The following NAV3 variants were observed in gnomAD, a reference collection of about 807,000 sequenced individuals.
The protein encoded by NAV3 is neuron navigator 3, also known as pore membrane and/or filament interacting like protein 1.
Under a neutral mutation model 244.7 loss-of-function variants are expected in NAV3, and 87 were observed. The ratio of observed to expected loss-of-function variants is 0.36; its 90% CI spans 0.30 to 0.42. The LOEUF is 0.42. Ranked by LOEUF, NAV3 falls within the 20% of genes least tolerant of loss-of-function variation. The pLI is 1.00. For missense variants in NAV3, 2,663 were observed against 2,893.3 expected (o/e 0.92, Z 1.83); for synonymous variants, 1,126 against 1,042.2 (o/e 1.08, Z -1.55).
intron 2 of NAV3, among the ~76,000 whole-genome samples, chr12:77,603,732 T>A (rs763448892): frequency 3.9e-5 from 6 of 152,066 alleles, no homozygotes; most frequent in Non-Finnish European, 7.4e-5. Flanking sequence ...TGTGGGTGGA[T>A]CGATAATGAA....
chr12:77,607,082 G>C (rs180791586), intron 2 of NAV3, among the ~76,000 whole-genome samples: 37 of 152,142 alleles, frequency 2.4e-4, no homozygotes, highest in African/African-American at 8.2e-4. Flanking sequence ...TGTATGTATA[G>C]AAATGAGACT....
intron 2 of NAV3, among the ~76,000 whole-genome samples, chr12:77,813,309 A>G (rs936283857): frequency 1.3e-5 from 2 of 152,178 alleles, no homozygotes; most frequent in African/African-American, 4.8e-5. Context: ...CCATTCTGCA[A>G]TTGATTACTG....
At position 78,103,697 on chromosome 12, in the gene NAV3, A is replaced by C. The variant is rs73143971; in HGVS notation, c.2637-13075A>C. 2.6e-5 allele frequency among the ~76,000 whole-genome samples: 4 copies of C among 152,358 alleles called. No homozygotes were observed. In the South Asian group the frequency reaches 6.2e-4, roughly 24 times the overall value. ...GCAGGAGGCAAAAGGCATTTCTTACATGATGGCAGCAAGAGAAAATGAGGA... is the reference window on the plus strand; with the variant it reads ...GCAGGAGGCAAAAGGCATTTCTTACCTGATGGCAGCAAGAGAAAATGAGGA... On this transcript the variant is annotated intron_variant, in intron 12 of 39. Transcript: ENST00000397909.
At chr12:77,998,263 G>A in intron 6 of NAV3, 74 bp from the exon 7 acceptor site, 1 of 1,144,544 alleles carries the variant, frequency 8.7e-7, no homozygotes. Context: ...GTAAATTTCT[G>A]ACTTTCAGCA....
At chr12:77,805,789 C>T (rs1379918470) in intron 2 of NAV3, among the ~76,000 whole-genome samples, 1 of 152,170 alleles carries the variant, frequency 6.6e-6, no homozygotes, top group Non-Finnish European at 1.5e-5. Context: ...GTGAATCCTT[C>T]TGGTCCTGGG....
intron 1 of NAV3, among the ~76,000 whole-genome samples, chr12:77,939,087 C>T (rs1348155400): frequency 6.6e-6 from 1 of 151,714 alleles, no homozygotes; most frequent in African/African-American, 2.4e-5. Context: ...TTCTATACTT[C>T]TGGTTTATTA....
At position 77,743,845 on chromosome 12, in the gene NAV3, G is replaced by A. The variant is rs1208443904; in HGVS notation, c.72+171579G>A. 5.9e-5 allele frequency among the ~76,000 whole-genome samples: 9 copies of A among 151,806 alleles called. No homozygotes were observed. In the East Asian group the frequency reaches 1.4e-3, roughly 23 times the overall value. On this transcript the variant is annotated intron_variant, in intron 2 of 8. Transcript: ENST00000550042. Reference sequence around the variant, plus strand: ...TAATCATTTGCTGTGGAAACAAGAAGTATATTTCTAATACACTGTTTGGCA... The same window carrying A: ...TAATCATTTGCTGTGGAAACAAGAAATATATTTCTAATACACTGTTTGGCA...
At chr12:78,056,633 G>T (rs779883043) in intron 11 of NAV3, among the ~76,000 whole-genome samples, 1 of 152,100 alleles carries the variant, frequency 6.6e-6, no homozygotes, top group Non-Finnish European at 1.5e-5. Context: ...GTAAGCTGAG[G>T]CAGGAGAATT....
intron 1 of NAV3, among the ~76,000 whole-genome samples, chr12:77,882,029 C>T (rs1228874489): frequency 1.3e-5 from 2 of 152,038 alleles, no homozygotes; most frequent in Non-Finnish European, 2.9e-5. Flanking sequence ...CAATGCTATT[C>T]CTATCAGACT....
intron 2 of NAV3, among the ~76,000 whole-genome samples, chr12:77,743,695 A>C (rs1398037620): frequency 1.3e-5 from 2 of 151,924 alleles, no homozygotes; most frequent in African/African-American, 4.8e-5. Flanking sequence ...TGAAAGAAAC[A>C]AGACACCAAA....
At chr12:77,898,473 CTTTAATTTAAG>C (rs1312625606) in intron 1 of NAV3, among the ~76,000 whole-genome samples, 1 of 152,072 alleles carries the variant, frequency 6.6e-6, no homozygotes, top group African/African-American at 2.4e-5. Context: ...ATGTAGGCCA[CTTTAATTTAAG>C]TAAATAATTG....
At chr12:78,126,286 C>T (rs1390384322) in intron 16 of NAV3, among the ~76,000 whole-genome samples, 1 of 152,072 alleles carries the variant, frequency 6.6e-6, no homozygotes, top group Non-Finnish European at 1.5e-5. Flanking sequence ...TATATCATCC[C>T]CATTATGCGT....
At chr12:77,637,602 A>G (rs918803894) in intron 2 of NAV3, among the ~76,000 whole-genome samples, 6 of 152,116 alleles carry the variant, frequency 3.9e-5, no homozygotes, top group African/African-American at 9.7e-5. Flanking sequence ...TATTATCCCC[A>G]TTTTACAGAA....
At chr12:77,648,285 A>T (rs1452699851) in intron 2 of NAV3, among the ~76,000 whole-genome samples, 1 of 152,092 alleles carries the variant, frequency 6.6e-6, no homozygotes, top group Non-Finnish European at 1.5e-5. Context: ...GATCTTTATT[A>T]TCTTTTCAGA....
rs1050240596 is a variant in NAV3, at chr12:78,189,952, A to G, written c.6056-32A>G. On this transcript the variant is annotated intron_variant, in intron 33 of 39. Transcript: ENST00000397909. ...TAAATTCTAGCTTATGTAGAACAAT[A>G]AATCATGCTATTTTTTTGTTTCTTC... 7.3e-6 allele frequency: 11 copies of G among 1,510,618 alleles called. No individual in the cohort carries two copies. In the Admixed American group the frequency reaches 8.4e-5, roughly 12 times the overall value. 93.6% of individuals were successfully genotyped at this position (1,510,618 alleles called of 1,614,324 possible). A position where few individuals can be genotyped will look rare whatever the true frequency, so the allele number is the denominator to read the frequency against.
intron 2 of NAV3, among the ~76,000 whole-genome samples, chr12:77,821,433 A>C (rs1872741530): frequency 6.6e-6 from 1 of 152,198 alleles, no homozygotes; most frequent in Non-Finnish European, 1.5e-5. Flanking sequence ...GCATCCTTAG[A>C]ATATCTGCAA....
At chr12:77,895,255 A>C (rs1318912211) in intron 1 of NAV3, among the ~76,000 whole-genome samples, 2 of 152,044 alleles carry the variant, frequency 1.3e-5, no homozygotes, top group Non-Finnish European at 2.9e-5. Flanking sequence ...TCAACAGAAA[A>C]TTAATTGCTA....
intron 1 of NAV3, among the ~76,000 whole-genome samples, chr12:77,837,937 C>T (rs1874959462): frequency 6.6e-6 from 1 of 152,200 alleles, no homozygotes; most frequent in Non-Finnish European, 1.5e-5. Context: ...ATCACTGGCT[C>T]TGGCCTCCAG....
intron 12 of NAV3, among the ~76,000 whole-genome samples, chr12:78,065,905 T>G (rs1436815819): frequency 1.3e-5 from 2 of 152,152 alleles, no homozygotes; most frequent in Non-Finnish European, 2.9e-5. Context: ...TGATAAGTCT[T>G]AAGGAAGATA....
Sources: gnomAD v4.1 joint callset for allele counts (sites outside exome capture counted in the v4.1 genomes callset) on GRCh38, gnomAD v4.1.1 for gene constraint, MANE v1.5 for transcripts, NCBI Gene and HGNC (gene_info 2026-07-23, HGNC 2026-07-21) for gene names.